NAE1: variants seen among roughly 807,000 people sequenced by gnomAD.
The protein encoded by NAE1 is NEDD8 activating enzyme E1 subunit 1, also known as NEDD8-activating enzyme E1 regulatory subunit.
A neutral mutation model predicts 88.0 loss-of-function variants in NAE1; 59 were observed. The observed-to-expected ratio is 0.67, with a 90% confidence interval of 0.54 to 0.83. The LOEUF is 0.83. Ranked by LOEUF, NAE1 falls within the 40% of genes least tolerant of loss-of-function variation. NAE1 has a pLI of 0.00. For missense variants in NAE1, 554 were observed against 632.8 expected (o/e 0.88, Z 1.34); for synonymous variants, 186 against 208.9 (o/e 0.89, Z 0.95).
Position 66,813,637 on chromosome 16 carries a change from C to T in NAE1, c.961G>A (p.Gly321Arg), listed in dbSNP as rs1219930375. Residue 321 changes from glycine to arginine, a missense_variant, in exon 13 of 20, where the codon GGA becomes AGA. Transcript: ENST00000290810. ...ATTGTGCCTCGAACAGGTAAATTTCCTTGACCCTCTTTGGCCACAAATTCC... is the reference window on the plus strand; with the variant it reads ...ATTGTGCCTCGAACAGGTAAATTTCTTTGACCCTCTTTGGCCACAAATTCC... ...LKEFVAKEGQ[G>R]NLPVRGTIPD... 1 of 1,614,062 alleles carries T rather than the reference C, an allele frequency of 6.2e-7. No homozygotes were observed. The highest frequency in any genetic ancestry group is 1.7e-5 in the Admixed American group (1 of 60,018).
At position 66,802,930 on chromosome 16, in the gene NAE1, GA is replaced by G; in HGVS notation, c.*78del. On this transcript the variant is annotated 3_prime_UTR_variant, in exon 20 of 20. Transcript: ENST00000290810. ...AAAACAATTTAGCAGCTCTCCTTTA[GA>G]ATTTTACAGACTAAAGCACAACCCG... The G allele has an allele frequency of 1.2e-6, 1 of 862,358 alleles. No homozygotes were observed. Among genetic ancestry groups the G allele is most frequent in the Non-Finnish European group, 1.9e-6 (1 of 523,032 alleles). 53.4% of individuals were successfully genotyped at this position (862,358 alleles called of 1,614,324 possible).
At chr16:66,829,949 G>A (rs745313335) in intron 1 of NAE1, among the ~76,000 whole-genome samples, 3 of 151,916 alleles carry the variant, frequency 2.0e-5, no homozygotes, top group Admixed American at 6.6e-5. Flanking sequence ...GCAGTGGCAC[G>A]ATCTCGGCTC....
rs137934848 is a variant in NAE1 at position 66,805,201 on chromosome 16, G to C, written c.1495+576C>G. On this transcript the variant is annotated intron_variant, in intron 19 of 19. Transcript: ENST00000290810. ...AAAGCAAGTAATATGATAAAACCAA[G>C]GCTGGAAAGGCCGAGTGGAACCAAA... Among the ~76,000 whole-genome samples, 3 of 152,254 alleles carry C rather than the reference G, an allele frequency of 2.0e-5. No homozygotes were observed. The East Asian group carries it at 5.8e-4, about 29-fold the overall frequency.
intron 10 of NAE1, 33 bp downstream of exon 10, chr16:66,816,932 C>T: frequency 6.4e-7 from 1 of 1,570,090 alleles, no homozygotes. Context: ...GCTTTTCAAG[C>T]TTTATACAGT....
intron 3 of NAE1, 150 bp from the exon 4 acceptor site, chr16:66,825,035 A>G (rs1960408762): frequency 2.2e-6 from 1 of 462,130 alleles, no homozygotes; most frequent in Non-Finnish European, 3.7e-6. Context: ...GAAGAAAATC[A>G]GATGGAACTT....
intron 11 of NAE1, among the ~76,000 whole-genome samples, chr16:66,814,863 C>T (rs1959978861): frequency 6.6e-6 from 1 of 152,184 alleles, no homozygotes; most frequent in Admixed American, 6.5e-5. Flanking sequence ...TCAAATCCTT[C>T]CTACCACTTT....
At chr16:66,820,656 C>T (rs984179427) in intron 7 of NAE1, among the ~76,000 whole-genome samples, 45 of 152,188 alleles carry the variant, frequency 3.0e-4, no homozygotes, top group Non-Finnish European at 5.6e-4. Flanking sequence ...AATCCCAGCA[C>T]TTTGGGAGGC....
chr16:66,828,280 CAGG>C, intron 1 of NAE1: 1 of 423,474 alleles, frequency 2.4e-6, no homozygotes, highest in Non-Finnish European at 4.3e-6. Context: ...CACCTGAGGT[CAGG>C]AGTTTGAGAC....
chr16:66,828,219 A>G (rs1960542050), intron 1 of NAE1: 2 of 620,248 alleles, frequency 3.2e-6, no homozygotes, highest in Admixed American at 2.9e-5. Flanking sequence ...GGCTGGGCGC[A>G]GTGGCTCACG....
chr16:66,813,494 GGAT>G (rs1460571140), intron 13 of NAE1, 67 bp downstream of exon 13: 24 of 1,486,428 alleles, frequency 1.6e-5, no homozygotes, highest in South Asian at 1.4e-4. Flanking sequence ...ATTTCTGACA[GGAT>G]GATAAAATGT....
rs1491433267 is a variant in NAE1 at position 66,805,650 on chromosome 16, A to AG, written c.1495+126_1495+127insC. Reference sequence around the variant, plus strand: ...GAGACTGCGTCTCAAAAAAAAAAAAAAGAAAGAAATATAACATCCTGCTTC... The same window carrying AG: ...GAGACTGCGTCTCAAAAAAAAAAAAAGAGAAAGAAATATAACATCCTGCTTC... On this transcript the variant is annotated intron_variant, in intron 19 of 19. Coordinates refer to ENST00000290810, the MANE Select transcript of NAE1 (RefSeq NM_003905.4). The AG allele has an allele frequency of 1.4e-4, 114 of 835,954 alleles. No individual in the cohort carries two copies. The South Asian group carries it at 1.6e-3, about 11-fold the overall frequency. 51.8% of individuals were successfully genotyped at this position (835,954 alleles called of 1,614,324 possible). A position where few individuals can be genotyped will look rare whatever the true frequency, so the allele number is the denominator to read the frequency against.
chr16:66,829,577 G>A (rs1051389858), intron 1 of NAE1, among the ~76,000 whole-genome samples: 1 of 152,194 alleles, frequency 6.6e-6, no homozygotes, highest in African/African-American at 2.4e-5. Flanking sequence ...CTAGGCTGGT[G>A]GCGCAAACAG....
At position 66,803,137 on chromosome 16, in the gene NAE1, A is replaced by G; in HGVS notation, c.1496-19T>C. ...GCAGCTCCTGAAAGGAAAAAGGAGA[A>G]AAGCAAATCTTTGAAAGAGTAAACT... On this transcript the variant is annotated intron_variant, in intron 19 of 19. Coordinates refer to ENST00000290810, the MANE Select transcript of NAE1 (RefSeq NM_003905.4). 2 of 1,496,908 alleles carry G rather than the reference A, an allele frequency of 1.3e-6. No individual in the cohort carries two copies. The highest frequency in any genetic ancestry group is 1.9e-6 in the Non-Finnish European group (2 of 1,076,938). The allele number at this position is 1,496,908 out of a possible 1,614,324, so 92.7% of individuals were successfully genotyped here.
At chr16:66,806,061 G>A (rs2145309284) in intron 17 of NAE1, 35 bp from the exon 18 acceptor site, 1 of 1,569,044 alleles carries the variant, frequency 6.4e-7, no homozygotes, top group Non-Finnish European at 8.6e-7. Flanking sequence ...TAAAATAAAT[G>A]TGATTCAAAA....
chr16:66,826,643 G>T, intron 2 of NAE1, 34 bp downstream of exon 2: 1 of 1,613,444 alleles, frequency 6.2e-7, no homozygotes. Context: ...ACTTAAAGAA[G>T]TATATTTAGA....
intron 1 of NAE1, among the ~76,000 whole-genome samples, chr16:66,829,786 A>C (rs1003669951): frequency 1.3e-5 from 2 of 152,236 alleles, no homozygotes; most frequent in African/African-American, 4.8e-5. Context: ...TGCACTGTCC[A>C]TTAAGGTAGC....
At chr16:66,829,107 G>T (rs1960591752) in intron 1 of NAE1, among the ~76,000 whole-genome samples, 1 of 152,182 alleles carries the variant, frequency 6.6e-6, no homozygotes, top group African/African-American at 2.4e-5. Flanking sequence ...GTAAGGAGGG[G>T]CTTATTGACT....
intron 11 of NAE1, among the ~76,000 whole-genome samples, chr16:66,815,208 T>C (rs1257383681): frequency 6.6e-6 from 1 of 152,208 alleles, no homozygotes; most frequent in Admixed American, 6.5e-5. Context: ...TAGAATCTTT[T>C]CTTTTCAACT....
chr16:66,816,001 T>C (rs1960030475), intron 11 of NAE1, among the ~76,000 whole-genome samples: 1 of 152,160 alleles, frequency 6.6e-6, no homozygotes, highest in African/African-American at 2.4e-5. Context: ...CAACACTGCC[T>C]TGTTGTCTCT....
Sources: allele counts gnomAD v4.1 joint callset (sites outside exome capture counted in the v4.1 genomes callset), GRCh38; gene constraint gnomAD v4.1.1; transcripts MANE v1.5; gene names NCBI Gene and HGNC (gene_info 2026-07-23, HGNC 2026-07-21).